The following RDH11 variants were observed in gnomAD, a reference collection of about 807,000 sequenced individuals.
RDH11 encodes the protein HCV core-binding protein HCBP12.
Under a neutral mutation model 33.4 loss-of-function variants are expected in RDH11, and 19 were observed. The ratio of observed to expected loss-of-function variants is 0.57; its 90% CI spans 0.40 to 0.83. The LOEUF is 0.83. RDH11 is among the 40% of genes least tolerant of loss of function. The pLI is 0.00. For synonymous variants in RDH11, 154 were observed against 155.3 expected (o/e 0.99, Z 0.06); for missense variants, 353 against 389.0 (o/e 0.91, Z 0.78).
At chr14:67,691,670 A>C (rs969175395) in intron 3 of RDH11, 1 of 163,218 alleles carries the variant, frequency 6.1e-6, no homozygotes, top group African/African-American at 2.4e-5. Context: ...GCATCTTCCA[A>C]TTCTCTCTCA....
intron 5 of RDH11, among the ~76,000 whole-genome samples, chr14:67,688,505 T>C (rs2037708875): frequency 6.6e-6 from 1 of 151,970 alleles, no homozygotes; most frequent in Non-Finnish European, 1.5e-5. Flanking sequence ...CTGTTGATAA[T>C]GGTCATATGA....
intron 6 of RDH11, among the ~76,000 whole-genome samples, chr14:67,678,838 T>TAAA (rs68115588): frequency 1.1e-4 from 16 of 145,420 alleles, no homozygotes; most frequent in African/African-American, 4.1e-4. Flanking sequence ...CCTGGAGTAG[T>TAAA]AAAAAAAAAA....
intron 6 of RDH11, among the ~76,000 whole-genome samples, chr14:67,682,661 A>G (rs2037629091): frequency 6.6e-6 from 1 of 152,248 alleles, no homozygotes; most frequent in South Asian, 2.1e-4. Context: ...GGGAATGTAA[A>G]ATGGGGCAGT....
Position 67,690,333 on chromosome 14 carries a change from G to C in RDH11, c.543C>G (p.His181Gln), listed in dbSNP as rs781560313. Reference protein sequence around the residue: ...RIVNVSSLAHHLGRIHFHNLQ... With the variant: ...RIVNVSSLAHQLGRIHFHNLQ... ...GGTTATGGAAGTGGATCCTTCCCAG[G>C]TGATGTGCGAGGGAAGACACATTTA... The change falls in exon 5 of 7, where the codon CAC becomes CAG. Residue 181 changes from histidine to glutamine, a missense_variant. His to Gln is a conservative substitution (Grantham distance 24). Coordinates refer to ENST00000381346, the MANE Select transcript of RDH11 (RefSeq NM_016026.4). 1.9e-6 allele frequency: 3 copies of C among 1,614,022 alleles called. No homozygotes were observed. Among genetic ancestry groups the C allele is most frequent in the African/African-American group, 2.7e-5 (2 of 74,922 alleles).
chr14:67,685,904 C>T (rs1291719521), intron 5 of RDH11, among the ~76,000 whole-genome samples: 1 of 152,188 alleles, frequency 6.6e-6, no homozygotes, highest in Admixed American at 6.5e-5. Flanking sequence ...GCGCCCATCC[C>T]CTTCTTAAAG....
intron 6 of RDH11, among the ~76,000 whole-genome samples, chr14:67,679,046 A>T (rs1293465271): frequency 6.6e-6 from 1 of 152,218 alleles, no homozygotes; most frequent in East Asian, 1.9e-4. Flanking sequence ...GAGCATACAG[A>T]AACTGGCTTA....
At position 67,677,036 on chromosome 14, in the gene RDH11, AGAAGT is replaced by A. The variant is rs1461973831; in HGVS notation, c.*1280_*1284del. The A allele has an allele frequency of 6.6e-6, 1 of 152,216 alleles. No individual in the cohort carries two copies. The highest frequency in any genetic ancestry group is 1.5e-5 in the Non-Finnish European group (1 of 68,030). 9.4% of individuals were successfully genotyped at this position (152,216 alleles called of 1,614,324 possible). A position where few individuals can be genotyped will look rare whatever the true frequency, so the allele number is the denominator to read the frequency against. On this transcript the variant is annotated 3_prime_UTR_variant, in exon 7 of 7. Coordinates refer to ENST00000381346, the MANE Select transcript of RDH11 (RefSeq NM_016026.4). The stretch of plus-strand genomic sequence containing the variant: ...AATAAAAGATTAATTTACAAGTATC[AGAAGT>A]GAAGACTGTGGTCCTATAACTCTTT...
chr14:67,694,173 C>G (rs2037792876), intron 1 of RDH11, among the ~76,000 whole-genome samples: 1 of 152,086 alleles, frequency 6.6e-6, no homozygotes, highest in Admixed American at 6.6e-5. Flanking sequence ...TTGAAGCTAC[C>G]TGCATAGTGC....
At chr14:67,692,681 A>G in intron 2 of RDH11, 88 bp from the exon 3 acceptor site, 2 of 1,459,814 alleles carry the variant, frequency 1.4e-6, no homozygotes, top group Non-Finnish European at 1.8e-6. Context: ...ATTTTTTTAA[A>G]AAACACACAT....
chr14:67,690,507 C>A, intron 4 of RDH11, 86 bp from the exon 5 acceptor site: 1 of 1,044,450 alleles, frequency 9.6e-7, no homozygotes, highest in Admixed American at 2.0e-5. Context: ...CTATGGGAGG[C>A]AGATAATTCA....
In RDH11 at chr14:67,695,618, A is replaced by G; in HGVS notation, c.74+12T>C. ...AAGAATTCTCAAGAGAAGGCAATAC[A>G]TTTGCACAGACCTGATTTGGGGCGC... On this transcript the variant is annotated intron_variant, in intron 1 of 6. Coordinates refer to ENST00000381346, the MANE Select transcript of RDH11 (RefSeq NM_016026.4). The G allele has an allele frequency of 6.2e-7, 1 of 1,612,530 alleles. No homozygotes were observed. Among genetic ancestry groups the G allele is most frequent in the Non-Finnish European group, 8.5e-7 (1 of 1,179,036 alleles).
At chr14:67,687,658 A>AC (rs2037697355) in intron 5 of RDH11, among the ~76,000 whole-genome samples, 1 of 151,282 alleles carries the variant, frequency 6.6e-6, no homozygotes. Context: ...TTTAGTAGAG[A>AC]TGGGGTTTCT....
chr14:67,695,580 C>T (rs2037820308), intron 1 of RDH11, 50 bp downstream of exon 1: 1 of 1,558,256 alleles, frequency 6.4e-7, no homozygotes, highest in African/African-American at 1.4e-5. Context: ...ATGTTTCCCT[C>T]CCGCCCCGCA....
In RDH11 at chr14:67,678,377, T is replaced by C. The variant is rs776412673; in HGVS notation, c.901A>G (p.Ile301Val). The C allele has an allele frequency of 1.2e-6, 2 of 1,613,974 alleles. No individual in the cohort carries two copies. Among genetic ancestry groups the C allele is most frequent in the Non-Finnish European group, 1.7e-6 (2 of 1,179,960 alleles). The change falls in exon 7 of 7, where the codon ATA becomes GTA. Residue 301 changes from isoleucine to valine, a missense_variant. Ile to Val is a conservative substitution (Grantham distance 29). Transcript: ENST00000381346. ...WVSAQARNET[I>V]ARRLWDVSCD... ...CTGACGTCCCACAGCCGCCTTGCTA[T>C]AGTCTCATTACGAGCTTGGGCAGAG...
intron 5 of RDH11, among the ~76,000 whole-genome samples, chr14:67,689,521 A>C (rs912548225): frequency 1.3e-5 from 2 of 152,194 alleles, no homozygotes; most frequent in African/African-American, 4.8e-5. Context: ...ATCTAGTGCC[A>C]GTTCAGGTCC....
intron 4 of RDH11, 107 bp from the exon 5 acceptor site, chr14:67,690,528 C>T: frequency 1.1e-6 from 1 of 883,018 alleles, no homozygotes; most frequent in South Asian, 1.6e-5. Context: ...GAAATAAGGT[C>T]TTTCCCTCCA....
At chr14:67,694,010 A>G (rs575392435) in intron 1 of RDH11, among the ~76,000 whole-genome samples, 1 of 152,242 alleles carries the variant, frequency 6.6e-6, no homozygotes, top group African/African-American at 2.4e-5. Flanking sequence ...TGAATGCACA[A>G]ACACAGATTG....
At chr14:67,688,681 G>T (rs558832007) in intron 5 of RDH11, among the ~76,000 whole-genome samples, 2 of 150,750 alleles carry the variant, frequency 1.3e-5, no homozygotes, top group South Asian at 4.2e-4. Context: ...GTGATCCTCC[G>T]GTTTTGGCCT....
intron 5 of RDH11, among the ~76,000 whole-genome samples, chr14:67,689,735 C>A (rs564363827): frequency 6.6e-6 from 1 of 152,090 alleles, no homozygotes; most frequent in Non-Finnish European, 1.5e-5. Context: ...CCTGAGGTCA[C>A]GAGTTCAAGA....
Sources: allele counts gnomAD v4.1 joint callset (sites outside exome capture counted in the v4.1 genomes callset), GRCh38; gene constraint gnomAD v4.1.1; transcripts MANE v1.5; gene names NCBI Gene and HGNC (gene_info 2026-07-23, HGNC 2026-07-21).